The following FRMD4B variants were observed in gnomAD, a reference collection of about 807,000 sequenced individuals.
FRMD4B encodes FERM domain containing 4B.
Under a neutral mutation model 141.5 loss-of-function variants are expected in FRMD4B, and 74 were observed. That is an observed-to-expected ratio of 0.52 (90% CI 0.43 to 0.63). The LOEUF (loss-of-function observed/expected upper bound fraction) is 0.63. Among genes scored for constraint, FRMD4B ranks in the 30% least tolerant of loss-of-function variants. The pLI, the probability that FRMD4B is intolerant of heterozygous loss-of-function variation, is 0.00. For missense variants in FRMD4B, 1,366 were observed against 1,253.4 expected, an observed-to-expected ratio of 1.09 and a Z score of -1.36; for synonymous variants, 506 against 467.9, an observed-to-expected ratio of 1.08 and a Z score of -1.05.
chr3:69,248,274 T>C lies in FRMD4B; in HGVS notation c.581+952A>G, dbSNP rs74564534. Among the ~76,000 whole-genome samples, 45 of 151,738 alleles carry C rather than the reference T, an allele frequency of 3.0e-4. 1 individual carries two copies. The South Asian group carries it at 6.4e-3, about 22-fold the overall frequency. ...ACACACACACACAAATATATATATA[T>C]AGAGAGAGCACAAAACAGAACTGGT... On this transcript the variant is annotated intron_variant, in intron 7 of 22. Transcript: ENST00000398540.
At chr3:69,446,089 G>A (rs748983502) in intron 1 of FRMD4B, among the ~76,000 whole-genome samples, 7 of 152,092 alleles carry the variant, frequency 4.6e-5, no homozygotes, top group Non-Finnish European at 8.8e-5. Flanking sequence ...GTGCAGTGGC[G>A]TGATCTTAAC....
intron 14 of FRMD4B, among the ~76,000 whole-genome samples, chr3:69,195,935 A>G (rs1334766615): frequency 6.6e-6 from 1 of 152,182 alleles, no homozygotes; most frequent in African/African-American, 2.4e-5. Flanking sequence ...TATTGCATGG[A>G]GAATTAGACA....
intron 1 of FRMD4B, among the ~76,000 whole-genome samples, chr3:69,437,221 C>G (rs530033636): frequency 6.6e-6 from 1 of 151,816 alleles, no homozygotes; most frequent in Non-Finnish European, 1.5e-5. Context: ...CACAGGCACG[C>G]GCCACCATGC....
intron 4 of FRMD4B, among the ~76,000 whole-genome samples, chr3:69,297,670 G>C (rs770823965): frequency 6.6e-6 from 1 of 152,124 alleles, no homozygotes; most frequent in Non-Finnish European, 1.5e-5. Flanking sequence ...GCTCCTCACT[G>C]TCAAGCCTTT....
At chr3:69,231,197 T>A (rs368236783) in intron 7 of FRMD4B, among the ~76,000 whole-genome samples, 4 of 152,220 alleles carry the variant, frequency 2.6e-5, no homozygotes, top group Non-Finnish European at 5.9e-5. Flanking sequence ...GGGAATTTTA[T>A]TGGAGGTAGG....
intron 2 of FRMD4B, among the ~76,000 whole-genome samples, chr3:69,392,898 T>C (rs1704409761): frequency 6.6e-6 from 1 of 152,106 alleles, no homozygotes; most frequent in African/African-American, 2.4e-5. Flanking sequence ...GGTCTCCTGC[T>C]TTCTTTCATC....
intron 9 of FRMD4B, among the ~76,000 whole-genome samples, chr3:69,221,627 C>A (rs2093195719): frequency 6.6e-6 from 1 of 152,152 alleles, no homozygotes; most frequent in Admixed American, 6.6e-5. Flanking sequence ...TTCTCTATTG[C>A]CCTACATCTG....
chr3:69,487,312 C>T (rs947549118), intron 1 of FRMD4B, among the ~76,000 whole-genome samples: 2 of 152,130 alleles, frequency 1.3e-5, no homozygotes, highest in African/African-American at 2.4e-5. Context: ...CTTTAGATGA[C>T]ACTGAGAAAG....
intron 1 of FRMD4B, among the ~76,000 whole-genome samples, chr3:69,492,465 A>C (rs541156562): frequency 6.6e-6 from 1 of 152,334 alleles, no homozygotes; most frequent in African/African-American, 2.4e-5. Context: ...GCTTTAGTTT[A>C]CATCATCTGA....
intron 1 of FRMD4B, among the ~76,000 whole-genome samples, chr3:69,378,130 C>T (rs1469794197): frequency 6.6e-6 from 1 of 151,952 alleles, no homozygotes; most frequent in East Asian, 1.9e-4. Flanking sequence ...CTTTTTTATT[C>T]CCTTCTCCAG....
chr3:69,458,356 T>G (rs1362614410), intron 1 of FRMD4B, among the ~76,000 whole-genome samples: 4 of 152,286 alleles, frequency 2.6e-5, no homozygotes, highest in Middle Eastern at 3.4e-3. Context: ...ACAACGATTA[T>G]GCAAATCATA....
intron 1 of FRMD4B, chr3:69,472,557 G>T: frequency 4.5e-6 from 1 of 224,450 alleles, no homozygotes. Context: ...TCTGGCCAAT[G>T]CACCAAAATG....
At chr3:69,370,985 T>G (rs984604709) in intron 1 of FRMD4B, among the ~76,000 whole-genome samples, 1 of 152,246 alleles carries the variant, frequency 6.6e-6, no homozygotes, top group African/African-American at 2.4e-5. Flanking sequence ...GTCCCCTGCA[T>G]GCCTTCAGCT....
At chr3:69,203,700 T>G (rs545453170) in intron 11 of FRMD4B, among the ~76,000 whole-genome samples, 9 of 151,976 alleles carry the variant, frequency 5.9e-5, no homozygotes, top group African/African-American at 2.2e-4. Flanking sequence ...CCTCAGAGAG[T>G]TGTCGGAAGG....
intron 11 of FRMD4B, among the ~76,000 whole-genome samples, chr3:69,205,291 C>T (rs1174780291): frequency 6.6e-6 from 1 of 151,828 alleles, no homozygotes; most frequent in Non-Finnish European, 1.5e-5. Flanking sequence ...TCTCGACCTT[C>T]TGAGTAGCTG....
intron 1 of FRMD4B, among the ~76,000 whole-genome samples, chr3:69,324,867 G>C (rs999792960): frequency 2.6e-5 from 4 of 151,834 alleles, no homozygotes; most frequent in Admixed American, 1.3e-4. Context: ...CTGAGGCGGG[G>C]GGGGATTGCT....
At chr3:69,280,295 G>T (rs1480117210) in intron 5 of FRMD4B, among the ~76,000 whole-genome samples, 1 of 152,068 alleles carries the variant, frequency 6.6e-6, no homozygotes, top group African/African-American at 2.4e-5. Flanking sequence ...AGGTTCAGGG[G>T]CCCTCGCTTG....
At chr3:69,294,623 T>C (rs1007379712) in intron 4 of FRMD4B, among the ~76,000 whole-genome samples, 2 of 152,218 alleles carry the variant, frequency 1.3e-5, no homozygotes, top group African/African-American at 4.8e-5. Flanking sequence ...TCTTGCTCCT[T>C]TCCCACAGCA....
intron 1 of FRMD4B, among the ~76,000 whole-genome samples, chr3:69,374,277 G>T (rs1311975207): frequency 1.3e-5 from 2 of 152,108 alleles, no homozygotes; most frequent in African/African-American, 4.8e-5. Flanking sequence ...AAGCAGCTTG[G>T]CTCAAGGTCG....
Sources: allele counts gnomAD v4.1 joint callset (sites outside exome capture counted in the v4.1 genomes callset), GRCh38; gene constraint gnomAD v4.1.1; transcripts MANE v1.5; gene names NCBI Gene and HGNC (gene_info 2026-07-23, HGNC 2026-07-21).